Variants in PKHD1L1 observed in about 807,000 individuals in gnomAD.
PKHD1L1 encodes PKHD1 like 1.
Under a neutral mutation model 462.9 loss-of-function variants are expected in PKHD1L1, and 434 were observed. That is an observed-to-expected ratio of 0.94 (90% CI 0.87 to 1.02). The LOEUF (loss-of-function observed/expected upper bound fraction) is 1.02. PKHD1L1 is among the 50% of genes least tolerant of loss of function. The pLI is 0.00. For missense variants in PKHD1L1, 5,202 were observed against 5,096.1 expected (o/e 1.02, Z -0.63); for synonymous variants, 1,781 against 1,750.0 (o/e 1.02, Z -0.44).
chr8:109,491,651 C>T (rs566259322), intron 61 of PKHD1L1, among the ~76,000 whole-genome samples: 5 of 151,926 alleles, frequency 3.3e-5, no homozygotes, highest in African/African-American at 1.2e-4. Context: ...ACATATTTAA[C>T]AAGCATCCCA....
chr8:109,432,115 A>G (rs1434695323), intron 27 of PKHD1L1, among the ~76,000 whole-genome samples: 1 of 152,198 alleles, frequency 6.6e-6, no homozygotes, highest in Non-Finnish European at 1.5e-5. Context: ...GCAAAGTGTT[A>G]GCATCCTTTT....
chr8:109,476,196 CAT>C (rs1036613098), intron 51 of PKHD1L1, among the ~76,000 whole-genome samples: 33 of 151,460 alleles, frequency 2.2e-4, no homozygotes, highest in African/African-American at 7.8e-4. Flanking sequence ...ACACACATCA[CAT>C]ATATGTGTGT....
chr8:109,464,191 T>C (rs769030001), intron 48 of PKHD1L1, 25 bp from the exon 49 acceptor site: 23 of 1,511,174 alleles, frequency 1.5e-5, no homozygotes, highest in Non-Finnish European at 1.9e-5. Context: ...TATTACTAAA[T>C]AACTGTGATT....
intron 40 of PKHD1L1, among the ~76,000 whole-genome samples, chr8:109,449,995 G>A (rs535295547): frequency 1.8e-4 from 28 of 152,280 alleles, no homozygotes; most frequent in Non-Finnish European, 3.2e-4. Context: ...AAAGTGGATG[G>A]AATGATGTCT....
At chr8:109,368,249 C>T (rs1198989554) in intron 2 of PKHD1L1, among the ~76,000 whole-genome samples, 5 of 152,190 alleles carry the variant, frequency 3.3e-5, no homozygotes, top group Non-Finnish European at 7.3e-5. Flanking sequence ...ATTTCTGGCA[C>T]ACACATTTTT....
intron 2 of PKHD1L1, among the ~76,000 whole-genome samples, chr8:109,377,274 T>A (rs754396550): frequency 2.6e-5 from 4 of 152,310 alleles, no homozygotes; most frequent in Non-Finnish European, 1.5e-5. Flanking sequence ...ATGGAATATA[T>A]TATAGCACTA....
rs530110388 is a variant in PKHD1L1, at chr8:109,404,515, T to C, written c.1374-39T>C. ...TAAAATAATTTCATGGCAAGTGTTC[T>C]GGAAAAAAGTTATATTCATTAGTTA... On this transcript the variant is annotated intron_variant, in intron 14 of 77. Transcript: ENST00000378402. 21 of 1,295,110 alleles carry C rather than the reference T, an allele frequency of 1.6e-5. 1 individual carries two copies. The South Asian group carries it at 4.1e-4, about 25-fold the overall frequency. The allele number at this position is 1,295,110 out of a possible 1,614,324, so 80.2% of individuals were successfully genotyped here.
rs753055991 is a variant in PKHD1L1 at position 109,404,995 on chromosome 8, G to A, written c.1534G>A (p.Val512Ile). The change falls in exon 16 of 78, where the codon GTT becomes ATT. Residue 512 changes from valine to isoleucine, a missense_variant and splice_region_variant. Coordinates refer to ENST00000378402, the MANE Select transcript of PKHD1L1 (RefSeq NM_177531.6). ...SQSTILQEVQ[V>I]ITLENWETTN... ...AAAATGTTTCTTAATTGGAAAATAG[G>A]TTATAACATTGGAAAACTGGGAAAC... The A allele has an allele frequency of 6.7e-7, 1 of 1,488,912 alleles. No individual in the cohort carries two copies. The highest frequency in any genetic ancestry group is 9.0e-7 in the Non-Finnish European group (1 of 1,109,640). The allele number at this position is 1,488,912 out of a possible 1,614,324, so 92.2% of individuals were successfully genotyped here. A position where few individuals can be genotyped will look rare whatever the true frequency, so the allele number is the denominator to read the frequency against.
At position 109,454,713 on chromosome 8, in the gene PKHD1L1, T is replaced by C; in HGVS notation, c.6745-10T>C. Reference sequence around the variant, plus strand: ...AATTTTCTGAATGGCATTTGTGACATCTTTTGCAGATTGGAACAGAGACAT... The same window carrying C: ...AATTTTCTGAATGGCATTTGTGACACCTTTTGCAGATTGGAACAGAGACAT... On this transcript the variant is annotated splice_polypyrimidine_tract_variant and intron_variant, in intron 44 of 77. Transcript: ENST00000378402. 6.2e-7 allele frequency: 1 copy of C among 1,612,242 alleles called. No individual in the cohort carries two copies. The highest frequency in any genetic ancestry group is 8.5e-7 in the Non-Finnish European group (1 of 1,178,970).
chr8:109,443,157 C>G, intron 36 of PKHD1L1, 41 bp downstream of exon 36: 1 of 1,585,794 alleles, frequency 6.3e-7, no homozygotes, highest in Non-Finnish European at 8.6e-7. Context: ...CACAGGTGAC[C>G]CAGGGTGTAT....
At chr8:109,511,751 A>G (rs906978498) in intron 71 of PKHD1L1, among the ~76,000 whole-genome samples, 1 of 152,126 alleles carries the variant, frequency 6.6e-6, no homozygotes, top group African/African-American at 2.4e-5. Context: ...CTAGTTCTAG[A>G]TCCCTGAGGA....
chr8:109,464,111 T>C, intron 48 of PKHD1L1, 105 bp from the exon 49 acceptor site: 1 of 689,240 alleles, frequency 1.5e-6, no homozygotes, highest in African/African-American at 1.9e-5. Context: ...TTGGAAGAAA[T>C]AAATATATTA....
chr8:109,371,123 G>A (rs1482546310), intron 2 of PKHD1L1, among the ~76,000 whole-genome samples: 1 of 152,218 alleles, frequency 6.6e-6, no homozygotes, highest in Non-Finnish European at 1.5e-5. Context: ...CCCACCAACA[G>A]TGTAAAAGTG....
Position 109,452,131 on chromosome 8 carries a change from A to G in PKHD1L1, c.6358A>G (p.Met2120Val). The part of the protein sequence containing the change: ...TVVGSGFSEN[M>V]EDVHITIAEA... ...TTTCCCTCTTTTTTACAGTGAAAAT[A>G]TGGAGGATGTTCATATCACCATAGC... The change falls in exon 42 of 78, where the codon ATG (methionine) becomes GTG (valine). Residue 2120 changes from methionine to valine, a missense_variant. Physicochemically the swap from Met to Val is conservative, Grantham distance 21. This residue lies in a region of PKHD1L1 where 4,497 missense variants were observed against 4,336.8 expected (regional missense o/e 1.04). Coordinates refer to ENST00000378402, the MANE Select transcript of PKHD1L1 (RefSeq NM_177531.6). 6.2e-7 allele frequency: 1 copy of G among 1,609,214 alleles called. No individual in the cohort carries two copies. The highest frequency in any genetic ancestry group is 8.5e-7 in the Non-Finnish European group (1 of 1,177,868).
rs776855691 is a variant in PKHD1L1, at chr8:109,443,910, T to C, written c.4791+8T>C. 6 of 1,568,658 alleles carry C rather than the reference T, an allele frequency of 3.8e-6. No homozygotes were observed. The highest frequency in any genetic ancestry group is 5.3e-6 in the Non-Finnish European group (6 of 1,142,030). On this transcript the variant is annotated splice_region_variant and intron_variant, in intron 37 of 77. Transcript: ENST00000378402. ...CTCCCATGGGCTAATAAGGTAAGAA[T>C]ATAAATACCTCCTTTGTACTTCTAT... is the stretch of plus-strand genomic sequence containing the variant.
At chr8:109,382,625 TG>T in intron 4 of PKHD1L1, 54 bp downstream of exon 4, 1 of 1,418,342 alleles carries the variant, frequency 7.1e-7, no homozygotes, top group South Asian at 1.3e-5. Context: ...CTTTCTTTCC[TG>T]CAGAACTGAA....
intron 39 of PKHD1L1, among the ~76,000 whole-genome samples, chr8:109,448,784 ATTAT>A (rs1225012691): frequency 6.6e-6 from 1 of 152,084 alleles, no homozygotes. Context: ...TAAGTGTATA[ATTAT>A]TTATTTCAAA....
chr8:109,499,998 G>A (rs1819319902), intron 67 of PKHD1L1, among the ~76,000 whole-genome samples: 1 of 152,114 alleles, frequency 6.6e-6, no homozygotes, highest in Non-Finnish European at 1.5e-5. Context: ...GATTTCCCGG[G>A]TATGTGGCTC....
intron 2 of PKHD1L1, among the ~76,000 whole-genome samples, chr8:109,368,536 G>A (rs1015389573): frequency 6.6e-6 from 1 of 152,110 alleles, no homozygotes; most frequent in East Asian, 1.9e-4. Flanking sequence ...ATTATTCTTT[G>A]CATTTATGTT....
Sources: gnomAD v4.1 joint callset for allele counts (sites outside exome capture counted in the v4.1 genomes callset) on GRCh38, gnomAD v4.1.1 for gene constraint, gnomAD v4.1.1 regional missense constraint, MANE v1.5 for transcripts, NCBI Gene and HGNC (gene_info 2026-07-23, HGNC 2026-07-21) for gene names.